The following OTOGL variants were observed in gnomAD, a reference collection of about 807,000 sequenced individuals.
OTOGL encodes otogelin like.
A neutral mutation model predicts 318.5 loss-of-function variants in OTOGL; 285 were observed. The observed-to-expected ratio is 0.89, with a 90% CI of 0.81 to 0.99. The LOEUF (loss-of-function observed/expected upper bound fraction) is 0.99, where lower values mean the gene tolerates loss of function less well. OTOGL is among the 50% of genes least tolerant of loss of function. OTOGL has a pLI of 0.00. For synonymous variants in OTOGL, 987 were observed against 936.5 expected, an observed-to-expected ratio of 1.05 and a Z score of -0.99; for missense variants, 2,899 against 2,845.6, an observed-to-expected ratio of 1.02 and a Z score of -0.43.
At chr12:80,196,761 G>C (rs1443827430) in intron 1 of OTOGL, among the ~76,000 whole-genome samples, 1 of 152,182 alleles carries the variant, frequency 6.6e-6, no homozygotes, top group African/African-American at 2.4e-5. Context: ...CTTTGTTCCA[G>C]TTATTTTCTC....
chr12:80,176,184 G>A (rs551255679), intron 1 of OTOGL, among the ~76,000 whole-genome samples: 4 of 152,144 alleles, frequency 2.6e-5, no homozygotes, highest in Admixed American at 6.6e-5. Flanking sequence ...ATTTGCTGAT[G>A]TCCATTTCAC....
chr12:80,333,136 T>C, intron 38 of OTOGL, 58 bp downstream of exon 38: 1 of 1,455,506 alleles, frequency 6.9e-7, no homozygotes, highest in Non-Finnish European at 9.4e-7. Flanking sequence ...TCCATTCAAA[T>C]TTCTGTGTCA....
intron 22 of OTOGL, among the ~76,000 whole-genome samples, chr12:80,269,814 C>T (rs993836577): frequency 6.6e-6 from 1 of 152,050 alleles, no homozygotes; most frequent in Non-Finnish European, 1.5e-5. Flanking sequence ...TGTGTGTCTT[C>T]CCCTTCTGTG....
intron 26 of OTOGL, among the ~76,000 whole-genome samples, chr12:80,290,828 G>A (rs761373661): frequency 5.9e-5 from 9 of 152,174 alleles, no homozygotes; most frequent in Non-Finnish European, 5.9e-5. Flanking sequence ...TAAATGTAAA[G>A]CATGCCAGTA....
At chr12:80,360,718 G>C (rs1223156693) in intron 52 of OTOGL, among the ~76,000 whole-genome samples, 3 of 151,904 alleles carry the variant, frequency 2.0e-5, no homozygotes, top group East Asian at 2.0e-4. Flanking sequence ...CTTACCTCGT[G>C]ATCTGCTCGC....
At chr12:80,256,838 T>C (rs1159038265) in intron 17 of OTOGL, among the ~76,000 whole-genome samples, 1 of 152,114 alleles carries the variant, frequency 6.6e-6, no homozygotes, top group East Asian at 1.9e-4. Flanking sequence ...TGGGTGATTA[T>C]ACAATGATTG....
chr12:80,358,560 T>C, intron 50 of OTOGL, 111 bp from the exon 51 acceptor site: 1 of 944,572 alleles, frequency 1.1e-6, no homozygotes, highest in East Asian at 2.6e-5. Flanking sequence ...GAGGTAGCAC[T>C]TGGGAAATAT....
chr12:80,333,167 T>G (rs755630926), intron 38 of OTOGL, 89 bp downstream of exon 38: 59 of 1,163,630 alleles, frequency 5.1e-5, no homozygotes, highest in Non-Finnish European at 5.8e-5. Flanking sequence ...GCTACTAAAC[T>G]TTTTTTGATA....
At chr12:80,103,291 G>A (rs1352437868) in intron 1 of OTOGL, 2 of 1,593,156 alleles carry the variant, frequency 1.3e-6, no homozygotes, top group South Asian at 1.1e-5. Flanking sequence ...TGCCTTTTGC[G>A]ATTCTTGCTT....
intron 17 of OTOGL, 83 bp from the exon 18 acceptor site, chr12:80,257,742 G>A: frequency 8.2e-7 from 1 of 1,216,796 alleles, no homozygotes; most frequent in South Asian, 1.7e-5. Context: ...ATCTGGGGAA[G>A]AGAGTCCTGG....
At chr12:80,146,144 A>G (rs1173772661) in intron 1 of OTOGL, among the ~76,000 whole-genome samples, 2 of 149,484 alleles carry the variant, frequency 1.3e-5, no homozygotes, top group Non-Finnish European at 2.9e-5. Flanking sequence ...CCAGTTTTCA[A>G]AGGGAATGCT....
In OTOGL at chr12:80,152,739, A is replaced by G. The variant is rs186207343; in HGVS notation, c.-20+53134A>G. ...AGTGTCACTTTGTCACCAAGGCTGG[A>G]GTGCCGTGGCACAATCTCAGCTCAC... On this transcript the variant is annotated intron_variant, in intron 1 of 58. Transcript: ENST00000547103. Among the ~76,000 whole-genome samples the G allele has an allele frequency of 2.7e-3, 407 of 152,254 alleles. 1 individual carries two copies. Among genetic ancestry groups the G allele is most frequent in the African/African-American group, 9.1e-3 (376 of 41,546 alleles).
Position 80,358,766 on chromosome 12 carries a change from T to A in OTOGL, c.6217T>A (p.Trp2073Arg). The A allele has an allele frequency of 6.2e-7, 1 of 1,604,772 alleles. No individual in the cohort carries two copies. The highest frequency in any genetic ancestry group is 8.5e-7 in the Non-Finnish European group (1 of 1,172,330). Residue 2073 changes from tryptophan (W) to arginine (R), a missense_variant, in exon 51 of 59, where the codon TGG becomes AGG. Coordinates refer to ENST00000547103, the MANE Select transcript of OTOGL (RefSeq NM_001378609.3). ...ENVSGQCCPT[W>R]HCECNCENLI... ...TGTATCTGGTCAATGTTGCCCAACA[T>A]GGCACTGTGGTAACTAATTTTCATA...
At chr12:80,110,400 C>T (rs1284409867) in intron 1 of OTOGL, among the ~76,000 whole-genome samples, 4 of 152,126 alleles carry the variant, frequency 2.6e-5, no homozygotes, top group African/African-American at 9.7e-5. Context: ...CTATCCCTCC[C>T]CTTGCTCCCC....
rs759992389 is a variant in OTOGL, at chr12:80,339,037, GT to G, written c.4861-37del. 2.0e-5 allele frequency: 29 copies of G among 1,425,398 alleles called. No homozygotes were observed. The Middle Eastern group carries it at 5.4e-4, about 27-fold the overall frequency. The allele number at this position is 1,425,398 out of a possible 1,614,324, so 88.3% of individuals were successfully genotyped here. On this transcript the variant is annotated intron_variant, in intron 42 of 58. Transcript: ENST00000547103. ...GTATTCTCCTAATTTGTATATTTAA[GT>G]AAATATTTCTTAACAGGTGTATTTA...
chr12:80,146,868 G>T (rs1177171385), intron 1 of OTOGL, among the ~76,000 whole-genome samples: 1 of 151,968 alleles, frequency 6.6e-6, no homozygotes, highest in Non-Finnish European at 1.5e-5. Flanking sequence ...AGTATTCTCT[G>T]ATGGTAGTTT....
At chr12:80,341,606 G>C (rs1002070133) in intron 43 of OTOGL, among the ~76,000 whole-genome samples, 2 of 152,140 alleles carry the variant, frequency 1.3e-5, no homozygotes, top group Non-Finnish European at 2.9e-5. Context: ...ACCTTGCCAG[G>C]CCACTAGTTA....
chr12:80,108,700 C>T (rs986074966), intron 1 of OTOGL, among the ~76,000 whole-genome samples: 4 of 148,692 alleles, frequency 2.7e-5, no homozygotes, highest in Non-Finnish European at 4.5e-5. Context: ...TCTATAAAGA[C>T]GTTCTCCCCC....
At chr12:80,367,815 T>A in intron 54 of OTOGL, 76 bp downstream of exon 54, 6 of 969,488 alleles carry the variant, frequency 6.2e-6, no homozygotes, top group Non-Finnish European at 8.5e-6. Flanking sequence ...TTTGAAATGG[T>A]GAATACTCCA....
Sources: gnomAD v4.1 joint callset for allele counts (sites outside exome capture counted in the v4.1 genomes callset) on GRCh38, gnomAD v4.1.1 for gene constraint, MANE v1.5 for transcripts, NCBI Gene and HGNC (gene_info 2026-07-23, HGNC 2026-07-21) for gene names.